TYW1: variants seen among roughly 807,000 people sequenced by gnomAD.
TYW1 encodes the protein S-adenosyl-L-methionine-dependent tRNA 4-demethylwyosine synthase TYW1.
TYW1 carries 46 observed loss-of-function variants against 96.2 expected under a neutral mutation model. The observed-to-expected ratio is 0.48, with a 90% CI of 0.38 to 0.61. The LOEUF (loss-of-function observed/expected upper bound fraction) is 0.61, where lower values mean the gene tolerates loss of function less well. Ranked by LOEUF, TYW1 falls within the 20% of genes least tolerant of loss-of-function variation. The pLI, the probability that TYW1 is intolerant of heterozygous loss-of-function variation, is 0.00. For synonymous variants in TYW1, 274 were observed against 323.0 expected (o/e 0.85, Z 1.63); for missense variants, 684 against 909.6 (o/e 0.75, Z 3.19).
chr7:67,032,319 A>G (rs1794695816), intron 7 of TYW1, among the ~76,000 whole-genome samples: 1 of 152,136 alleles, frequency 6.6e-6, no homozygotes, highest in African/African-American at 2.4e-5. Flanking sequence ...GAGGCAGGAC[A>G]GATAAACAGA....
At chr7:67,211,081 G>T (rs59076341) in intron 15 of TYW1, among the ~76,000 whole-genome samples, 11,627 of 150,640 alleles carry the variant, frequency 0.077, 902 homozygotes, top group East Asian at 0.18. Flanking sequence ...TGCTCAAATT[G>T]TCCCAGCTTT....
At chr7:67,089,139 A>C (rs1367920773) in intron 11 of TYW1, 2 of 436,290 alleles carry the variant, frequency 4.6e-6, no homozygotes, top group Admixed American at 8.4e-5. Flanking sequence ...GACCAGGGGA[A>C]GGGGGAGGAG....
At chr7:67,005,838 T>C (rs1468103334) in intron 3 of TYW1, among the ~76,000 whole-genome samples, 2 of 152,164 alleles carry the variant, frequency 1.3e-5, no homozygotes, top group African/African-American at 2.4e-5. Context: ...CCAGAGATCC[T>C]ACACGTGTGG....
chr7:67,140,766 A>C (rs1367335519), intron 13 of TYW1, among the ~76,000 whole-genome samples: 4 of 152,232 alleles, frequency 2.6e-5, no homozygotes, highest in Non-Finnish European at 5.9e-5. Context: ...CCCCTGAGAC[A>C]TACATTCATG....
chr7:67,095,279 A>G (rs1796862134), intron 11 of TYW1, among the ~76,000 whole-genome samples: 1 of 152,044 alleles, frequency 6.6e-6, no homozygotes. Context: ...GATTACAGGC[A>G]TGAGCTGCCG....
intron 13 of TYW1, among the ~76,000 whole-genome samples, chr7:67,147,093 TA>T (rs1159787500): frequency 6.6e-6 from 1 of 152,210 alleles, no homozygotes; most frequent in African/African-American, 2.4e-5. Context: ...TAGGTTCTTT[TA>T]GCAGAGCAGA....
intron 13 of TYW1, among the ~76,000 whole-genome samples, chr7:67,144,564 C>T (rs561109965): frequency 3.3e-5 from 5 of 152,236 alleles, no homozygotes; most frequent in South Asian, 4.1e-4. Context: ...CTCCACCTCC[C>T]GACTCAAGCA....
intron 13 of TYW1, among the ~76,000 whole-genome samples, chr7:67,131,458 C>T (rs1798071609): frequency 6.6e-6 from 1 of 152,178 alleles, no homozygotes; most frequent in Non-Finnish European, 1.5e-5. Context: ...CTGTGGACCT[C>T]ATTTCTATCC....
intron 11 of TYW1, among the ~76,000 whole-genome samples, chr7:67,090,753 T>C (rs1563007422): frequency 1.3e-5 from 2 of 152,192 alleles, no homozygotes; most frequent in South Asian, 4.1e-4. Context: ...ATCGATTTGC[T>C]GTTGAAATGT....
chr7:67,128,981 G>C (rs562599664), intron 13 of TYW1, among the ~76,000 whole-genome samples: 1 of 152,240 alleles, frequency 6.6e-6, no homozygotes, highest in East Asian at 1.9e-4. Context: ...GAGCCACCGC[G>C]CCCAGTCTAG....
chr7:67,106,953 A>G (rs1266449059), intron 12 of TYW1, among the ~76,000 whole-genome samples: 2 of 152,190 alleles, frequency 1.3e-5, no homozygotes, highest in East Asian at 1.9e-4. Flanking sequence ...CATTGAAACT[A>G]TGTAGGAACT....
At position 67,013,957 on chromosome 7, in the gene TYW1, A is replaced by G. The variant is rs188715715; in HGVS notation, c.376-410A>G. ...ACGAGGTTTCACCGTATTAGCCAGG[A>G]TGGTCTCGATCTCCTGACATTGTGA... On this transcript the variant is annotated intron_variant, in intron 4 of 15. Coordinates refer to ENST00000359626, the MANE Select transcript of TYW1 (RefSeq NM_018264.4). 7.0e-3 allele frequency among the ~76,000 whole-genome samples: 1,065 copies of G among 151,662 alleles called. 7 individuals carry two copies. Among genetic ancestry groups the G allele is most frequent in the African/African-American group, 0.024 (1,000 of 41,338 alleles).
At chr7:67,094,239 A>C (rs1451758512) in intron 11 of TYW1, among the ~76,000 whole-genome samples, 1 of 152,132 alleles carries the variant, frequency 6.6e-6, no homozygotes, top group African/African-American at 2.4e-5. Flanking sequence ...TTATCCAGTC[A>C]ACCGTTGATG....
intron 12 of TYW1, among the ~76,000 whole-genome samples, chr7:67,108,732 G>A (rs535652813): frequency 1.2e-4 from 19 of 152,066 alleles, no homozygotes; most frequent in Admixed American, 6.5e-4. Context: ...ATGAGCCACC[G>A]TGTCTGGTCT....
intron 13 of TYW1, among the ~76,000 whole-genome samples, chr7:67,147,545 T>C (rs1332007878): frequency 2.6e-5 from 4 of 152,166 alleles, no homozygotes; most frequent in Admixed American, 2.0e-4. Flanking sequence ...CTGCTACCCA[T>C]TTGTTTTTTT....
intron 15 of TYW1, among the ~76,000 whole-genome samples, chr7:67,202,135 T>G (rs796844357): frequency 2.0e-5 from 3 of 152,228 alleles, no homozygotes; most frequent in African/African-American, 2.4e-5. Flanking sequence ...TTTCTGGCGC[T>G]TCTTTTCCTT....
chr7:67,126,158 C>G (rs1434464889), intron 13 of TYW1, among the ~76,000 whole-genome samples: 1 of 98,086 alleles, frequency 1.0e-5, no homozygotes, highest in East Asian at 2.1e-4. Context: ...TCCAAAGTGG[C>G]TGTACCATTT....
intron 8 of TYW1, among the ~76,000 whole-genome samples, chr7:67,055,232 C>T (rs1795471133): frequency 6.6e-6 from 1 of 152,030 alleles, no homozygotes; most frequent in Non-Finnish European, 1.5e-5. Context: ...TAGAGCTTTA[C>T]CGAGTTTTTA....
chr7:67,078,147 G>T (rs1160625139), intron 10 of TYW1, among the ~76,000 whole-genome samples: 4 of 151,842 alleles, frequency 2.6e-5, no homozygotes, highest in African/African-American at 9.7e-5. Flanking sequence ...CTGGGCTGGA[G>T]TGCAATGATG....
Sources: gnomAD v4.1 joint callset for allele counts (sites outside exome capture counted in the v4.1 genomes callset) on GRCh38, gnomAD v4.1.1 for gene constraint, MANE v1.5 for transcripts, NCBI Gene and HGNC (gene_info 2026-07-23, HGNC 2026-07-21) for gene names.